The following PWWP2A variants were observed in gnomAD, a reference collection of about 807,000 sequenced individuals.
The protein encoded by PWWP2A is PWWP domain-containing protein 2A.
PWWP2A carries 18 observed loss-of-function variants against 48.5 expected under a neutral mutation model. That is an observed-to-expected ratio of 0.37 (90% CI 0.26 to 0.55). The LOEUF is 0.55. Ranked by LOEUF, PWWP2A falls within the 20% of genes least tolerant of loss-of-function variation. PWWP2A has a pLI of 0.81. For missense variants in PWWP2A, 867 were observed against 976.4 expected (o/e 0.89, Z 1.49); for synonymous variants, 396 against 387.7 (o/e 1.02, Z -0.25).
At chr5:160,104,912 A>T (rs1441175176) in intron 1 of PWWP2A, among the ~76,000 whole-genome samples, 1 of 152,002 alleles carries the variant, frequency 6.6e-6, no homozygotes, top group Non-Finnish European at 1.5e-5. Flanking sequence ...TTTCCCTTAC[A>T]TTCTCAAATA....
chr5:160,049,907 A>G, the PWWP2A span, among the ~76,000 whole-genome samples: 18 of 151,288 alleles, frequency 1.2e-4, no homozygotes, highest in East Asian at 3.5e-3. Flanking sequence ...ACAAAACCCC[A>G]TCTCTTCTAA....
Position 160,078,654 on chromosome 5 carries a change from G to A in PWWP2A, c.1670-486C>T, listed in dbSNP as rs1272126096. 6.6e-6 allele frequency among the ~76,000 whole-genome samples: 1 copy of A among 152,098 alleles called. No individual in the cohort carries two copies. The highest frequency in any genetic ancestry group is 1.5e-5 in the Non-Finnish European group (1 of 68,024). ...ACAGAGCCAGGCTATGTACAAATCA[G>A]CAGCAGGTCACACTGTCCACATACT... On this transcript the variant is annotated intron_variant, in intron 3 of 3. Coordinates refer to the PWWP2A transcript ENST00000456329. This position sits in a 1 kb window ranked among gnomAD's most constrained non-coding sequence, Gnocchi z 4.2.
At chr5:160,102,110 CA>C (rs61608471) in intron 1 of PWWP2A, among the ~76,000 whole-genome samples, 1,789 of 58,992 alleles carry the variant, frequency 0.03, 24 homozygotes, top group African/African-American at 0.077. Flanking sequence ...AACTTGGTGT[CA>C]AAAAAAAAAA....
intron 1 of PWWP2A, among the ~76,000 whole-genome samples, chr5:160,102,746 T>C (rs746265552): frequency 6.6e-6 from 1 of 152,202 alleles, no homozygotes; most frequent in Non-Finnish European, 1.5e-5. Flanking sequence ...ATGGCTATCA[T>C]GGGCCTGCAG....
Position 160,119,408 on chromosome 5 carries a change from T to A in PWWP2A, c.-20A>T. ...CGCCATTTTCTTCCTAGCTTCTCCCTCCTCCAACTCCGGCTGCAGCGGCGG... is the reference window on the plus strand; with the variant it reads ...CGCCATTTTCTTCCTAGCTTCTCCCACCTCCAACTCCGGCTGCAGCGGCGG... On this transcript the variant is annotated 5_prime_UTR_variant, in exon 1 of 2. Transcript: ENST00000307063. 1.5e-6 allele frequency: 2 copies of A among 1,330,446 alleles called. No homozygotes were observed. The highest frequency in any genetic ancestry group is 9.6e-7 in the Non-Finnish European group (1 of 1,044,190). The allele number at this position is 1,330,446 out of a possible 1,614,324, so 82.4% of individuals were successfully genotyped here.
intron 1 of PWWP2A, among the ~76,000 whole-genome samples, chr5:160,114,531 G>C (rs983483696): frequency 6.6e-6 from 1 of 151,540 alleles, no homozygotes; most frequent in East Asian, 1.9e-4. Context: ...CAGAGGCCAA[G>C]GCGGGCGGAT....
At chr5:160,045,845 C>T in the PWWP2A span, among the ~76,000 whole-genome samples, 9 of 152,082 alleles carry the variant, frequency 5.9e-5, no homozygotes, top group South Asian at 2.1e-4. Flanking sequence ...CAGGTTCAAG[C>T]GACTCTTCTG....
the PWWP2A span, among the ~76,000 whole-genome samples, chr5:160,047,154 ACT>A: frequency 6.6e-6 from 1 of 152,068 alleles, no homozygotes; most frequent in Non-Finnish European, 1.5e-5. Flanking sequence ...TCTGTCTTCA[ACT>A]CTGACTTCTA....
the PWWP2A span, among the ~76,000 whole-genome samples, chr5:160,053,481 T>G: frequency 6.6e-6 from 1 of 152,110 alleles, no homozygotes; most frequent in South Asian, 2.1e-4. Context: ...GGAGGATCAC[T>G]TGAGCCCAGG....
intron 1 of PWWP2A, among the ~76,000 whole-genome samples, chr5:160,114,749 C>T (rs564119087): frequency 1.5e-5 from 2 of 133,894 alleles, no homozygotes; most frequent in Admixed American, 8.6e-5. Context: ...GGCAACAGAG[C>T]GAGACTCTGT....
chr5:160,101,484 G>T (rs761723776), intron 1 of PWWP2A, among the ~76,000 whole-genome samples: 38 of 152,208 alleles, frequency 2.5e-4, no homozygotes, highest in Non-Finnish European at 4.9e-4. Context: ...CACAGAAGCA[G>T]AAAGTAGAAT....
chr5:160,073,675 CTCT>C (rs1368731567), downstream of PWWP2A, among the ~76,000 whole-genome samples: 6 of 152,308 alleles, frequency 3.9e-5, no homozygotes, highest in Non-Finnish European at 5.9e-5. Flanking sequence ...GGCCAGCTCT[CTCT>C]TCTTCTGGCA....
chr5:160,050,816 G>T, the PWWP2A span, among the ~76,000 whole-genome samples: 1 of 151,824 alleles, frequency 6.6e-6, no homozygotes, highest in Non-Finnish European at 1.5e-5. Context: ...TGTAGAGACA[G>T]CATTTTGCCA....
At chr5:160,101,908 G>T (rs933733183) in intron 1 of PWWP2A, among the ~76,000 whole-genome samples, 2 of 150,280 alleles carry the variant, frequency 1.3e-5, no homozygotes, top group Non-Finnish European at 3.0e-5. Flanking sequence ...TCAGGAGTTC[G>T]AGACCAGCCT....
intron 1 of PWWP2A, among the ~76,000 whole-genome samples, chr5:160,115,416 G>A (rs899477385): frequency 4.6e-5 from 7 of 151,964 alleles, no homozygotes; most frequent in African/African-American, 1.7e-4. Flanking sequence ...AACAGGCTGG[G>A]CACGGTGGCT....
At chr5:160,051,178 T>C in the PWWP2A span, 3 of 1,609,750 alleles carry the variant, frequency 1.9e-6, no homozygotes, top group African/African-American at 1.3e-5. Context: ...AAAGAAGAGA[T>C]GTTAGGTAAG....
intron 1 of PWWP2A, among the ~76,000 whole-genome samples, chr5:160,111,043 G>A (rs544561021): frequency 3.1e-4 from 47 of 152,076 alleles, no homozygotes; most frequent in Admixed American, 8.5e-4. Context: ...ACTTAGGCTG[G>A]GTGCAGTGGC....
At position 160,092,012 on chromosome 5, in the gene PWWP2A, G is replaced by GAC. The variant is rs1205569957; in HGVS notation, c.*369_*370insGT. ...TATATGTGTGTATATATACATACAC[G>GAC]GATATATATATATACACACACACAC... On this transcript the variant is annotated 3_prime_UTR_variant, in exon 2 of 2. Coordinates refer to ENST00000307063, the MANE Select transcript of PWWP2A (RefSeq NM_001130864.2). The GAC allele has an allele frequency of 4.1e-6, 1 of 242,560 alleles. No individual in the cohort carries two copies. Among genetic ancestry groups the GAC allele is most frequent in the Admixed American group, 1.9e-4 (1 of 5,256 alleles). The allele number at this position is 242,560 out of a possible 1,614,324, so 15.0% of individuals were successfully genotyped here.
Position 160,091,943 on chromosome 5 carries a change from G to A in PWWP2A, c.*439C>T, listed in dbSNP as rs991321878. 2.5e-5 allele frequency: 24 copies of A among 978,676 alleles called. No homozygotes were observed. The highest frequency in any genetic ancestry group is 5.2e-4 in the Middle Eastern group (1 of 1,926). The allele number at this position is 978,676 out of a possible 1,614,324, so 60.6% of individuals were successfully genotyped here. ...CCAAATATGCAATCTGTGTCACACA[G>A]TGACAGGCTGTATTTCATATATATA... On this transcript the variant is annotated 3_prime_UTR_variant, in exon 2 of 2. Coordinates refer to ENST00000307063, the MANE Select transcript of PWWP2A (RefSeq NM_001130864.2).
Sources: gnomAD v4.1 joint callset for allele counts (sites outside exome capture counted in the v4.1 genomes callset) on GRCh38, gnomAD v4.1.1 for gene constraint, Gnocchi (gnomAD v3.1) non-coding constraint, MANE v1.5 for transcripts, NCBI Gene and HGNC (gene_info 2026-07-23, HGNC 2026-07-21) for gene names.